CCSER2: variants seen among roughly 807,000 people sequenced by gnomAD.
CCSER2 encodes coiled-coil serine rich protein 2.
Under a neutral mutation model 92.3 loss-of-function variants are expected in CCSER2, and 46 were observed. The ratio of observed to expected loss-of-function variants is 0.50; its 90% confidence interval spans 0.39 to 0.64. The LOEUF (loss-of-function observed/expected upper bound fraction) is 0.64. Ranked by LOEUF, CCSER2 falls within the 30% of genes least tolerant of loss-of-function variation. The probability of loss-of-function intolerance (pLI) is 0.00; values close to 1 mark genes in which losing one functional copy is unlikely to be tolerated. For missense variants in CCSER2, 1,244 were observed against 1,238.9 expected, an observed-to-expected ratio of 1.00 and a Z score of -0.06; for synonymous variants, 433 against 431.4, an observed-to-expected ratio of 1.00 and a Z score of -0.04.
At chr10:84,449,676 G>A (rs975915063) in intron 6 of CCSER2, among the ~76,000 whole-genome samples, 2 of 152,104 alleles carry the variant, frequency 1.3e-5, no homozygotes, top group African/African-American at 4.8e-5. Context: ...TCAACATGAA[G>A]AAACCCCGTC....
At chr10:84,465,278 TGTGTGTGTGTGTGA>T (rs1487761754) in intron 7 of CCSER2, among the ~76,000 whole-genome samples, 44 of 88,846 alleles carry the variant, frequency 5.0e-4, no homozygotes, top group Non-Finnish European at 8.8e-4. Flanking sequence ...TGTGTGTGTG[TGTGTGTGTGTGTGA>T]AAAAGTTTTT....
chr10:84,495,587 TTCTC>T (rs1203522909), intron 9 of CCSER2, among the ~76,000 whole-genome samples: 1 of 152,196 alleles, frequency 6.6e-6, no homozygotes, highest in Non-Finnish European at 1.5e-5. Flanking sequence ...GATTTGGCGA[TTCTC>T]TCAGTTTTAT....
chr10:84,470,581 T>A, intron 8 of CCSER2, 123 bp downstream of exon 8: 1 of 712,400 alleles, frequency 1.4e-6, no homozygotes, highest in African/African-American at 1.9e-5. Context: ...ACTTTTATAT[T>A]ATTTTTAGAT....
chr10:84,373,482 T>C (rs923897950), intron 2 of CCSER2, 137 bp from the exon 3 acceptor site: 2 of 614,852 alleles, frequency 3.3e-6, no homozygotes, highest in East Asian at 5.5e-5. Context: ...GCTTAGGATA[T>C]AGAAAATGCT....
rs1849488134 is a variant in CCSER2, at chr10:84,513,737, C to G, written c.2614C>G (p.His872Asp). 6.5e-7 allele frequency: 1 copy of G among 1,537,394 alleles called. No homozygotes were observed. Among genetic ancestry groups the G allele is most frequent in the Non-Finnish European group, 8.7e-7 (1 of 1,146,978 alleles). Residue 872 changes from histidine (H) to aspartate (D), a missense_variant, in exon 10 of 10, where the codon CAT becomes GAT. By Grantham distance (81) the His-to-Asp change is moderately conservative (BLOSUM62 -1). Transcript: ENST00000372088. ...TACTGTAAATGCTCAAGAGCCTTAT[C>G]ATTTGGCAAACAATCAAATTAGTGA... ...NITVNAQEPY[H>D]LANNQISDMQ...
intron 9 of CCSER2, among the ~76,000 whole-genome samples, chr10:84,491,895 GCTTT>G (rs1848192435): frequency 6.6e-6 from 1 of 152,090 alleles, no homozygotes; most frequent in Non-Finnish European, 1.5e-5. Context: ...TAATCTACAT[GCTTT>G]CTTAGATTTC....
At chr10:84,472,281 G>T (rs1846856986) in intron 8 of CCSER2, among the ~76,000 whole-genome samples, 2 of 152,036 alleles carry the variant, frequency 1.3e-5, no homozygotes, top group Non-Finnish European at 2.9e-5. Flanking sequence ...ATAAAAGATT[G>T]GGGGAGGCTG....
At chr10:84,501,184 G>T (rs772237486) in intron 9 of CCSER2, among the ~76,000 whole-genome samples, 1 of 151,794 alleles carries the variant, frequency 6.6e-6, no homozygotes, top group Non-Finnish European at 1.5e-5. Flanking sequence ...CACTTCTCTC[G>T]TCTTCAAGTA....
intron 3 of CCSER2, among the ~76,000 whole-genome samples, chr10:84,417,004 G>C (rs1842921636): frequency 6.6e-6 from 1 of 152,114 alleles, no homozygotes. Flanking sequence ...CTTTTTACTT[G>C]TATATACTAA....
rs1844334008 is a variant in CCSER2, at chr10:84,438,636, C to A, written c.1993C>A (p.Leu665Ile). The change falls in exon 6 of 10, where the codon CTT (leucine) becomes ATT (isoleucine). Residue 665 changes from leucine to isoleucine, a missense_variant. Coordinates refer to ENST00000372088, the MANE Select transcript of CCSER2 (RefSeq NM_001284240.2). ...ENTVILDEMT[L>I]RHMVQDCTAV... ...TACAGTGATACTGGATGAGATGACC[C>A]TTCGGCACATGGTTCAGGATTGCAC... 1 of 1,613,834 alleles carries A rather than the reference C, an allele frequency of 6.2e-7. No individual in the cohort carries two copies. Among genetic ancestry groups the A allele is most frequent in the Non-Finnish European group, 8.5e-7 (1 of 1,179,798 alleles).
At chr10:84,414,530 T>C (rs974778101) in intron 3 of CCSER2, among the ~76,000 whole-genome samples, 2 of 152,222 alleles carry the variant, frequency 1.3e-5, no homozygotes, top group East Asian at 1.9e-4. Flanking sequence ...ATTAGTCTGA[T>C]TGGCTTTCCT....
In CCSER2 at chr10:84,361,695, G is replaced by A. The variant is rs113303163; in HGVS notation, c.-39-9319G>A. On this transcript the variant is annotated intron_variant, in intron 1 of 9. Transcript: ENST00000372088. ...TCGCTCTTGTTGTCCAGGCTAGAGT[G>A]CAGTGGTGCAATCTCACCTCACTGC... is the stretch of plus-strand genomic sequence containing the variant. Among the ~76,000 whole-genome samples the A allele has an allele frequency of 4.6e-3, 691 of 151,468 alleles. 5 individuals carry two copies. Among genetic ancestry groups the A allele is most frequent in the Non-Finnish European group, 7.9e-3 (538 of 67,904 alleles).
At chr10:84,361,427 A>G (rs1845493251) in intron 1 of CCSER2, among the ~76,000 whole-genome samples, 1 of 152,136 alleles carries the variant, frequency 6.6e-6, no homozygotes, top group Admixed American at 6.5e-5. Context: ...TGGCTCTTCC[A>G]GGTTTTTAGG....
chr10:84,481,330 T>C (rs916614685), intron 9 of CCSER2, among the ~76,000 whole-genome samples: 2 of 152,110 alleles, frequency 1.3e-5, no homozygotes, highest in African/African-American at 4.8e-5. Flanking sequence ...TCATGCTATT[T>C]TCTGCATATA....
chr10:84,416,657 G>A (rs896498782), intron 3 of CCSER2, among the ~76,000 whole-genome samples: 7 of 151,766 alleles, frequency 4.6e-5, no homozygotes, highest in South Asian at 2.1e-4. Flanking sequence ...GGCTGGGCGC[G>A]GTAGCTCAAG....
At chr10:84,336,022 CTTAT>C (rs1843818275) in intron 1 of CCSER2, among the ~76,000 whole-genome samples, 1 of 151,938 alleles carries the variant, frequency 6.6e-6, no homozygotes, top group African/African-American at 2.4e-5. Flanking sequence ...GTTTCTTTTC[CTTAT>C]TTAAAATTTT....
chr10:84,391,289 G>T (rs1841503765), intron 3 of CCSER2: 1 of 1,468,220 alleles, frequency 6.8e-7, no homozygotes, highest in African/African-American at 1.4e-5. Flanking sequence ...TCCAGATAAA[G>T]ATTTTATGTT....
intron 9 of CCSER2, among the ~76,000 whole-genome samples, chr10:84,507,824 G>A (rs1849147112): frequency 6.6e-6 from 1 of 152,070 alleles, no homozygotes; most frequent in South Asian, 2.1e-4. Context: ...TTCCCCCAAT[G>A]GGTCACTGTG....
chr10:84,382,036 G>C (rs1840944054), intron 3 of CCSER2, among the ~76,000 whole-genome samples: 1 of 152,088 alleles, frequency 6.6e-6, no homozygotes, highest in African/African-American at 2.4e-5. Context: ...CATTGGGAGA[G>C]GACTCTTGGA....
Sources: gnomAD v4.1 joint callset for allele counts (sites outside exome capture counted in the v4.1 genomes callset) on GRCh38, gnomAD v4.1.1 for gene constraint, MANE v1.5 for transcripts, NCBI Gene and HGNC (gene_info 2026-07-23, HGNC 2026-07-21) for gene names.